The following FAM169A variants were observed in gnomAD, a reference collection of about 807,000 sequenced individuals.
The protein encoded by FAM169A is soluble lamin-associated protein of 75 kDa.
A neutral mutation model predicts 75.7 loss-of-function variants in FAM169A; 24 were observed. The observed-to-expected ratio is 0.32, with a 90% CI of 0.23 to 0.45. The LOEUF is 0.45. Ranked by LOEUF, FAM169A falls within the 20% of genes least tolerant of loss-of-function variation. FAM169A has a pLI of 1.00. For synonymous variants in FAM169A, 271 were observed against 271.0 expected (o/e 1.00, Z 0.00); for missense variants, 673 against 784.0 (o/e 0.86, Z 1.69).
chr5:74,785,399 G>C lies in FAM169A; in HGVS notation c.1261-2265C>G, dbSNP rs202239557. 2.4e-4 allele frequency among the ~76,000 whole-genome samples: 37 copies of C among 152,264 alleles called. 1 individual carries two copies. The East Asian group carries it at 6.9e-3, about 29-fold the overall frequency. ...TACAAATCCTGTTTTTAAAAAATACGTGCTTTTAACTTCCTATATGTGCTT... is the reference window on the plus strand; with the variant it reads ...TACAAATCCTGTTTTTAAAAAATACCTGCTTTTAACTTCCTATATGTGCTT... On this transcript the variant is annotated intron_variant, in intron 11 of 12. Transcript: ENST00000687041.
chr5:74,829,887 C>T (rs1460032258), intron 5 of FAM169A, among the ~76,000 whole-genome samples: 2 of 152,010 alleles, frequency 1.3e-5, no homozygotes, highest in African/African-American at 4.8e-5. Context: ...GCAAGAGAAT[C>T]GCTTGAACCC....
intron 1 of FAM169A, among the ~76,000 whole-genome samples, chr5:74,854,035 T>G (rs1261561990): frequency 2.0e-5 from 3 of 152,058 alleles, no homozygotes; most frequent in Non-Finnish European, 2.9e-5. Context: ...GCAGTGTATA[T>G]ATTTATGGGA....
At chr5:74,782,415 A>G (rs537958412) in intron 12 of FAM169A, among the ~76,000 whole-genome samples, 4 of 152,312 alleles carry the variant, frequency 2.6e-5, no homozygotes, top group South Asian at 4.1e-4. Context: ...ATTTCATTAG[A>G]TAAGTTAGGG....
intron 1 of FAM169A, among the ~76,000 whole-genome samples, chr5:74,850,507 G>A (rs904848759): frequency 2.6e-5 from 4 of 152,148 alleles, no homozygotes; most frequent in African/African-American, 7.2e-5. Flanking sequence ...CAGCTATATT[G>A]CAAAGGATTT....
chr5:74,794,614 A>T (rs546661655), intron 11 of FAM169A, among the ~76,000 whole-genome samples: 107 of 150,356 alleles, frequency 7.1e-4, no homozygotes, highest in African/African-American at 2.3e-3. Context: ...CCGTCTCTAC[A>T]AAAAATACAA....
intron 11 of FAM169A, among the ~76,000 whole-genome samples, chr5:74,793,173 A>C (rs1746065804): frequency 6.6e-6 from 1 of 152,114 alleles, no homozygotes; most frequent in Admixed American, 6.5e-5. Context: ...ACAAATACAA[A>C]AACTAACTGG....
At chr5:74,832,840 T>C (rs757270323) in intron 5 of FAM169A, among the ~76,000 whole-genome samples, 8 of 152,002 alleles carry the variant, frequency 5.3e-5, no homozygotes, top group Non-Finnish European at 1.0e-4. Context: ...CTTAACTCCA[T>C]TGTTATCTGG....
chr5:74,804,560 C>T lies in FAM169A; in HGVS notation c.845G>A (p.Gly282Asp). The change falls in exon 8 of 13, where the codon GGT (glycine) becomes GAT (aspartate). Residue 282 changes from glycine (G) to aspartate (D), a missense_variant. Around this residue, in one of 3 missense-constraint regions of FAM169A, gnomAD observed 510 missense variants for 550.9 expected, o/e 0.93. Transcript: ENST00000687041. ...TTCGTATTCTGGAACAGATGCAGGA[C>T]CATATTCTCCAGACATAGGTCTTTT... ...EPKRPMSGEYGPASVPEYEAR... is the reference protein window; with the variant it reads ...EPKRPMSGEYDPASVPEYEAR... 2 of 1,612,036 alleles carry T rather than the reference C, an allele frequency of 1.2e-6. No individual in the cohort carries two copies. The highest frequency in any genetic ancestry group is 8.5e-7 in the Non-Finnish European group (1 of 1,178,660).
chr5:74,812,612 T>A (rs1747260233), intron 6 of FAM169A, among the ~76,000 whole-genome samples: 1 of 152,116 alleles, frequency 6.6e-6, no homozygotes, highest in African/African-American at 2.4e-5. Context: ...TGAAATTTAT[T>A]TTGTTAATTT....
rs559573930 is a variant in FAM169A at position 74,818,964 on chromosome 5, A to C, written c.491-4945T>G. On this transcript the variant is annotated intron_variant, in intron 5 of 12. Transcript: ENST00000687041. ...GCTAGGCGCGGAGGCTCACGCCTGT[A>C]ACCTCAACACTTTGGGAGGCCAAGG... 3.0e-3 allele frequency among the ~76,000 whole-genome samples: 458 copies of C among 152,340 alleles called. 1 individual carries two copies. The highest frequency in any genetic ancestry group is 0.011 in the African/African-American group (443 of 41,574).
intron 5 of FAM169A, among the ~76,000 whole-genome samples, chr5:74,818,761 G>C (rs1206884879): frequency 7.4e-6 from 1 of 135,626 alleles, no homozygotes; most frequent in Non-Finnish European, 1.6e-5. Flanking sequence ...TTGTGGTGAC[G>C]GTTTCACAGC....
At chr5:74,830,548 G>T (rs1748261266) in intron 5 of FAM169A, among the ~76,000 whole-genome samples, 1 of 152,148 alleles carries the variant, frequency 6.6e-6, no homozygotes, top group Admixed American at 6.5e-5. Context: ...GAAATACAAT[G>T]CAACGGGTGT....
intron 1 of FAM169A, among the ~76,000 whole-genome samples, chr5:74,858,281 G>T (rs1210119025): frequency 6.6e-6 from 1 of 152,228 alleles, no homozygotes; most frequent in South Asian, 2.1e-4. Flanking sequence ...TCAGCTACTT[G>T]GGAGGCTGAG....
At chr5:74,793,460 G>A (rs998054682) in intron 11 of FAM169A, among the ~76,000 whole-genome samples, 2 of 152,176 alleles carry the variant, frequency 1.3e-5, no homozygotes, top group Non-Finnish European at 2.9e-5. Context: ...CTCAGGAATG[G>A]AAAACCAAAC....
At chr5:74,827,105 C>A (rs1422983517) in intron 5 of FAM169A, among the ~76,000 whole-genome samples, 4 of 152,098 alleles carry the variant, frequency 2.6e-5, no homozygotes, top group African/African-American at 9.7e-5. Context: ...TCATGGGATA[C>A]ATGATGTTGA....
intron 11 of FAM169A, among the ~76,000 whole-genome samples, chr5:74,795,810 A>C (rs903797961): frequency 2.0e-5 from 3 of 152,222 alleles, no homozygotes; most frequent in Admixed American, 6.5e-5. Context: ...ATATAATTCA[A>C]ACTTTTATAA....
At chr5:74,839,984 C>A (rs577961787) in intron 3 of FAM169A, 90 bp downstream of exon 3, 114 of 608,900 alleles carry the variant, frequency 1.9e-4, no homozygotes, top group African/African-American at 1.2e-3. Context: ...AAAAAAAAAA[C>A]CAAATTCCTT....
intron 1 of FAM169A, among the ~76,000 whole-genome samples, chr5:74,856,698 G>GT (rs1175758552): frequency 1.2e-4 from 18 of 150,200 alleles, no homozygotes; most frequent in African/African-American, 2.7e-4. Context: ...CATAACCAAG[G>GT]TTTTTTTTAA....
chr5:74,786,694 C>T (rs546810718), intron 11 of FAM169A, among the ~76,000 whole-genome samples: 78 of 152,242 alleles, frequency 5.1e-4, no homozygotes, highest in Admixed American at 3.9e-3. Flanking sequence ...AGCAGATACT[C>T]GCTTTAAAAG....
Sources: gnomAD v4.1 joint callset for allele counts (sites outside exome capture counted in the v4.1 genomes callset) on GRCh38, gnomAD v4.1.1 for gene constraint, gnomAD v4.1.1 regional missense constraint, MANE v1.5 for transcripts, NCBI Gene and HGNC (gene_info 2026-07-23, HGNC 2026-07-21) for gene names.